The following MYSM1 variants were observed in gnomAD, a reference collection of about 807,000 sequenced individuals.
MYSM1 encodes the protein deubiquitinase MYSM1.
Under a neutral mutation model 116.0 loss-of-function variants are expected in MYSM1, and 51 were observed. The observed-to-expected ratio is 0.44, with a 90% CI of 0.35 to 0.56. The LOEUF is 0.56. MYSM1 is among the 20% of genes least tolerant of loss of function. The pLI, the probability that MYSM1 is intolerant of heterozygous loss-of-function variation, is 0.00. For synonymous variants in MYSM1, 313 were observed against 315.2 expected (o/e 0.99, Z 0.07); for missense variants, 900 against 974.9 (o/e 0.92, Z 1.02).
At chr1:58,668,608 G>A (rs1644508839) in intron 14 of MYSM1, 24 bp downstream of exon 14, 1 of 1,584,440 alleles carries the variant, frequency 6.3e-7, no homozygotes, top group Non-Finnish European at 8.6e-7. Flanking sequence ...GAATAACTAA[G>A]TAAACACAAT....
At position 58,676,108 on chromosome 1, in the gene MYSM1, G is replaced by A. The variant is rs115667126; in HGVS notation, c.1391-528C>T. Among the ~76,000 whole-genome samples, 715 of 152,322 alleles carry A rather than the reference G, an allele frequency of 4.7e-3. 1 individual carries two copies. Among genetic ancestry groups the A allele is most frequent in the Non-Finnish European group, 7.4e-3 (502 of 68,032 alleles). On this transcript the variant is annotated intron_variant, in intron 9 of 19. Transcript: ENST00000472487. ...TATCACTTTGTAGCTATGAATGGTT[G>A]TGTCATTTTAATTCAATAAAAGAGT...
intron 10 of MYSM1, among the ~76,000 whole-genome samples, chr1:58,674,647 T>C (rs1427842806): frequency 6.6e-6 from 1 of 152,154 alleles, no homozygotes; most frequent in African/African-American, 2.4e-5. Flanking sequence ...TTGGATCGGC[T>C]GCACACGGTG....
In MYSM1 at chr1:58,656,096, G is replaced by C. The variant is rs232853; in HGVS notation, c.*3901C>G. On this transcript the variant is annotated 3_prime_UTR_variant, in exon 20 of 20. Coordinates refer to ENST00000472487, the MANE Select transcript of MYSM1 (RefSeq NM_001085487.3). ...TCCAGCTCACCTCATCAGGACCCAG[G>C]AAGAGAAATGGGAGGAAGGTAATGC... 0.27 allele frequency: 40,528 copies of C among 151,986 alleles called. 6,181 individuals carry two copies. The highest frequency in any genetic ancestry group is 0.41 in the African/African-American group (16,925 of 41,394). The allele number at this position is 151,986 out of a possible 1,614,324, so 9.4% of individuals were successfully genotyped here. A position where few individuals can be genotyped will look rare whatever the true frequency, so the allele number is the denominator to read the frequency against.
intron 15 of MYSM1, among the ~76,000 whole-genome samples, chr1:58,667,591 G>A (rs891628010): frequency 2.6e-5 from 4 of 150,956 alleles, no homozygotes; most frequent in Non-Finnish European, 1.5e-5. Context: ...CCTCTTAGAA[G>A]TTGTAGCTTT....
chr1:58,667,001 T>A, intron 16 of MYSM1, 37 bp downstream of exon 16: 1 of 1,325,606 alleles, frequency 7.5e-7, no homozygotes, highest in South Asian at 1.5e-5. Flanking sequence ...TGAGGGGGTG[T>A]GCAACCATTT....
At chr1:58,675,750 A>G (rs1234777510) in intron 9 of MYSM1, among the ~76,000 whole-genome samples, 170 bp from the exon 10 acceptor site, 1 of 152,252 alleles carries the variant, frequency 6.6e-6, no homozygotes, top group Admixed American at 6.5e-5. Flanking sequence ...TGCTGTTATT[A>G]TAAGAAAATC....
rs987514144 is a variant in MYSM1 at position 58,660,771 on chromosome 1, TC to T, written c.2328+398del. ...ACTGACAGAATTCAAAACTCTTATT[TC>T]CTATTAGAAAGTTAAATAAAATGAC... is the stretch of plus-strand genomic sequence containing the variant. On this transcript the variant is annotated intron_variant, in intron 19 of 19. Coordinates refer to ENST00000472487, the MANE Select transcript of MYSM1 (RefSeq NM_001085487.3). Among the ~76,000 whole-genome samples, 5 of 152,130 alleles carry T rather than the reference TC, an allele frequency of 3.3e-5. No individual in the cohort carries two copies. The East Asian group carries it at 7.7e-4, about 23-fold the overall frequency.
chr1:58,675,838 C>G (rs947138281), intron 9 of MYSM1, among the ~76,000 whole-genome samples: 1 of 152,088 alleles, frequency 6.6e-6, no homozygotes, highest in Non-Finnish European at 1.5e-5. Flanking sequence ...TTTAATTTTT[C>G]TTTTGGTGGC....
intron 16 of MYSM1, among the ~76,000 whole-genome samples, chr1:58,665,832 G>A (rs1255818093): frequency 6.6e-6 from 1 of 152,128 alleles, no homozygotes; most frequent in East Asian, 1.9e-4. Flanking sequence ...ACTGCTTGAG[G>A]TCAGGTCAGC....
intron 3 of MYSM1, among the ~76,000 whole-genome samples, chr1:58,691,231 G>A (rs376751610): frequency 3.1e-4 from 47 of 151,458 alleles, no homozygotes; most frequent in East Asian, 2.5e-3. Context: ...AGTGAGCCAA[G>A]TTTGAGCCAC....
chr1:58,665,740 G>A (rs2100597868), intron 16 of MYSM1, 109 bp from the exon 17 acceptor site: 1 of 789,976 alleles, frequency 1.3e-6, no homozygotes, highest in Non-Finnish European at 2.0e-6. Context: ...GGAACAAAAA[G>A]GTGCATTAAA....
chr1:58,669,200 CT>C (rs1351493452), intron 12 of MYSM1, among the ~76,000 whole-genome samples, 162 bp from the exon 13 acceptor site: 2 of 148,312 alleles, frequency 1.3e-5, no homozygotes, highest in Non-Finnish European at 3.0e-5. Flanking sequence ...AAGCACTGTT[CT>C]TTTAGATTTA....
intron 3 of MYSM1, among the ~76,000 whole-genome samples, chr1:58,691,274 C>T (rs1644902724): frequency 6.7e-6 from 1 of 150,036 alleles, no homozygotes. Flanking sequence ...AGCGAGACTC[C>T]GTCTCAAAAA....
At chr1:58,668,224 T>C (rs1644504276) in intron 14 of MYSM1, among the ~76,000 whole-genome samples, 1 of 152,194 alleles carries the variant, frequency 6.6e-6, no homozygotes, top group Non-Finnish European at 1.5e-5. Context: ...TATGTAAGGA[T>C]ACAAAGTAAA....
intron 8 of MYSM1, among the ~76,000 whole-genome samples, chr1:58,677,419 G>A (rs1185285367): frequency 6.6e-5 from 10 of 152,014 alleles, no homozygotes; most frequent in African/African-American, 9.7e-5. Context: ...AGTATTAGAC[G>A]TTTCCAATTT....
At chr1:58,668,346 T>C in intron 14 of MYSM1, 1 of 902,016 alleles carries the variant, frequency 1.1e-6, no homozygotes, top group Non-Finnish European at 1.4e-6. Context: ...TTGTGCTTTG[T>C]TTCAGTGATC....
chr1:58,668,264 A>G (rs1217043384), intron 14 of MYSM1, among the ~76,000 whole-genome samples: 1 of 152,242 alleles, frequency 6.6e-6, no homozygotes, highest in African/African-American at 2.4e-5. Flanking sequence ...ACACAAAGAC[A>G]TCACAAACAC....
intron 3 of MYSM1, among the ~76,000 whole-genome samples, 179 bp from the exon 4 acceptor site, chr1:58,690,596 G>A (rs1038212271): frequency 9.2e-5 from 14 of 152,160 alleles, no homozygotes; most frequent in African/African-American, 3.1e-4. Flanking sequence ...TCTGCCTGCA[G>A]GCTACATGTG....
rs1431751339 is a variant in MYSM1, at chr1:58,673,431, T to C, written c.1572+142A>G. 20 of 665,012 alleles carry C rather than the reference T, an allele frequency of 3.0e-5. No individual in the cohort carries two copies. In the Middle Eastern group the frequency reaches 1.1e-3, roughly 36 times the overall value. 41.2% of individuals were successfully genotyped at this position (665,012 alleles called of 1,614,324 possible). On this transcript the variant is annotated intron_variant, in intron 11 of 19. Coordinates refer to ENST00000472487, the MANE Select transcript of MYSM1 (RefSeq NM_001085487.3). The stretch of plus-strand genomic sequence containing the variant: ...TGCCTTCTACTTTGGTGTTTACTGG[T>C]GACTTCCAGACAAATTAACATGGGA...
Sources: gnomAD v4.1 joint callset for allele counts (sites outside exome capture counted in the v4.1 genomes callset) on GRCh38, gnomAD v4.1.1 for gene constraint, MANE v1.5 for transcripts, NCBI Gene and HGNC (gene_info 2026-07-23, HGNC 2026-07-21) for gene names.